Variants in MACROD2 observed in about 807,000 individuals in gnomAD.
The protein encoded by MACROD2 is mono-ADP ribosylhydrolase 2, also known as ADP-ribose glycohydrolase MACROD2.
In MACROD2, 36 loss-of-function variants were observed where a neutral mutation model predicts 70.4. The observed-to-expected ratio is 0.51, with a 90% CI of 0.39 to 0.68. The LOEUF (loss-of-function observed/expected upper bound fraction) is 0.68, where lower values mean the gene tolerates loss of function less well. MACROD2 is among the 30% of genes least tolerant of loss of function. MACROD2 has a pLI of 0.00. For missense variants in MACROD2, 496 were observed against 538.4 expected, an observed-to-expected ratio of 0.92 and a Z score of 0.78; for synonymous variants, 172 against 178.8, an observed-to-expected ratio of 0.96 and a Z score of 0.30.
chr20:15,840,078 A>G lies in MACROD2; in HGVS notation c.646-22667A>G, dbSNP rs73248307. Among the ~76,000 whole-genome samples the G allele has an allele frequency of 7.3e-3, 1,114 of 152,286 alleles. 9 individuals carry two copies. Among genetic ancestry groups the G allele is most frequent in the African/African-American group, 0.024 (995 of 41,576 alleles). ...CCTATGATTATTTTATCATTCTTCTATATTCACTCCTAAAATTTTCTGTGG... is the reference window on the plus strand; with the variant it reads ...CCTATGATTATTTTATCATTCTTCTGTATTCACTCCTAAAATTTTCTGTGG... On this transcript the variant is annotated intron_variant, in intron 8 of 17. Coordinates refer to ENST00000684519, the MANE Select transcript of MACROD2 (RefSeq NM_001351661.2).
In MACROD2 at chr20:13,999,896, C is replaced by G. The variant is rs141216063; in HGVS notation, c.47-2392C>G. Among the ~76,000 whole-genome samples, 614 of 152,254 alleles carry G rather than the reference C, an allele frequency of 4.0e-3. 1 individual carries two copies. Among genetic ancestry groups the G allele is most frequent in the East Asian group, 0.01 (52 of 5,182 alleles). ...GTATTTCCCTTAGTGCACCTGTAGTCCCAGCTACTCAGGAGGCTGAGGCAG... is the reference window on the plus strand; with the variant it reads ...GTATTTCCCTTAGTGCACCTGTAGTGCCAGCTACTCAGGAGGCTGAGGCAG... On this transcript the variant is annotated intron_variant, in intron 1 of 17. Transcript: ENST00000684519.
rs148843962 is a variant in MACROD2, at chr20:14,090,092, G to A, written c.271+4364G>A. On this transcript the variant is annotated intron_variant, in intron 3 of 17. Coordinates refer to ENST00000684519, the MANE Select transcript of MACROD2 (RefSeq NM_001351661.2). ...CCATGTTTACCCAATGTCAAAAACC[G>A]AAAATTGATATTGTTACATTACTGT... Among the ~76,000 whole-genome samples, 432 of 152,166 alleles carry A rather than the reference G, an allele frequency of 2.8e-3. 8 individuals carry two copies. Among genetic ancestry groups the A allele is most frequent in the Admixed American group, 0.025 (375 of 15,294 alleles).
chr20:15,072,870 G>A (rs1172705976), intron 5 of MACROD2, among the ~76,000 whole-genome samples: 2 of 152,158 alleles, frequency 1.3e-5, no homozygotes, highest in Non-Finnish European at 2.9e-5. Flanking sequence ...GATCCCCAAA[G>A]CAGTGGTGTT....
intron 5 of MACROD2, among the ~76,000 whole-genome samples, chr20:15,114,363 A>G (rs896396444): frequency 2.6e-5 from 4 of 152,196 alleles, no homozygotes; most frequent in Non-Finnish European, 5.9e-5. Flanking sequence ...ATAAGACTTC[A>G]TCTTAGCCAG....
intron 3 of MACROD2, among the ~76,000 whole-genome samples, chr20:14,192,845 G>A (rs1348418208): frequency 6.6e-6 from 1 of 152,146 alleles, no homozygotes; most frequent in Non-Finnish European, 1.5e-5. Context: ...TTTTGCTTCT[G>A]CAAGTGGCAG....
At chr20:15,582,880 G>A (rs141847537) in intron 8 of MACROD2, among the ~76,000 whole-genome samples, 4 of 152,284 alleles carry the variant, frequency 2.6e-5, no homozygotes, top group Admixed American at 2.6e-4. Context: ...AGTTCTGTCG[G>A]GGTTGAGAGA....
At chr20:14,038,188 G>GGAGGCTGAGGCA (rs2053343581) in intron 2 of MACROD2, among the ~76,000 whole-genome samples, 1 of 152,020 alleles carries the variant, frequency 6.6e-6, no homozygotes, top group African/African-American at 2.4e-5. Flanking sequence ...CAGCTACTCA[G>GGAGGCTGAGGCA]GAGGCTGAGG....
At chr20:15,228,491 T>C (rs924028172) in intron 5 of MACROD2, among the ~76,000 whole-genome samples, 7 of 144,130 alleles carry the variant, frequency 4.9e-5, no homozygotes, top group Non-Finnish European at 1.1e-4. Context: ...TTCTTTCTTT[T>C]TTTTTTTTTT....
In MACROD2 at chr20:15,888,986, G is replaced by A. The variant is rs754912929; in HGVS notation, c.775+3175G>A. The stretch of plus-strand genomic sequence containing the variant: ...TCTCATTCAAATAGAAAAGCTGGAG[G>A]GATTTTTACAAATGCAACCGACACT... On this transcript the variant is annotated intron_variant, in intron 10 of 17. Transcript: ENST00000684519. 5.1e-4 allele frequency among the ~76,000 whole-genome samples: 77 copies of A among 152,222 alleles called. No individual in the cohort carries two copies. The Middle Eastern group carries it at 0.014, about 27-fold the overall frequency.
At chr20:14,987,821 A>G (rs973370449) in intron 5 of MACROD2, among the ~76,000 whole-genome samples, 1 of 152,096 alleles carries the variant, frequency 6.6e-6, no homozygotes, top group Non-Finnish European at 1.5e-5. Flanking sequence ...CGCTTTCATT[A>G]AGATTCATTC....
At chr20:14,138,324 A>C (rs1222043695) in intron 3 of MACROD2, among the ~76,000 whole-genome samples, 1 of 152,208 alleles carries the variant, frequency 6.6e-6, no homozygotes, top group East Asian at 1.9e-4. Context: ...TTATTGCAGC[A>C]TTATTAACAA....
At chr20:14,517,661 A>G (rs1382971242) in intron 4 of MACROD2, among the ~76,000 whole-genome samples, 2 of 152,196 alleles carry the variant, frequency 1.3e-5, no homozygotes, top group Non-Finnish European at 1.5e-5. Flanking sequence ...TGTTCTGCAC[A>G]TGTATCCCAG....
At chr20:14,497,647 C>T (rs2084869149) in intron 4 of MACROD2, among the ~76,000 whole-genome samples, 1 of 151,704 alleles carries the variant, frequency 6.6e-6, no homozygotes, top group African/African-American at 2.4e-5. Flanking sequence ...TCTGTCAAAG[C>T]ACTTGAGGGA....
chr20:15,585,476 G>A (rs1381753796), intron 8 of MACROD2, among the ~76,000 whole-genome samples: 25 of 152,118 alleles, frequency 1.6e-4, no homozygotes, highest in Admixed American at 1.6e-3. Context: ...GATTAGAGGC[G>A]TGAGCCACCA....
At chr20:15,441,676 G>A (rs1378302420) in intron 7 of MACROD2, among the ~76,000 whole-genome samples, 1 of 152,104 alleles carries the variant, frequency 6.6e-6, no homozygotes, top group Non-Finnish European at 1.5e-5. Flanking sequence ...GATCACAACT[G>A]TCTGACTGTT....
At chr20:15,372,952 T>A (rs2045513100) in intron 6 of MACROD2, among the ~76,000 whole-genome samples, 1 of 152,098 alleles carries the variant, frequency 6.6e-6, no homozygotes, top group Non-Finnish European at 1.5e-5. Flanking sequence ...CTTGGGAGGT[T>A]GGGGCAGAAG....
chr20:14,800,484 T>A (rs945556589), intron 5 of MACROD2, among the ~76,000 whole-genome samples: 6 of 152,106 alleles, frequency 3.9e-5, no homozygotes, highest in South Asian at 2.1e-4. Context: ...CTGTCATTTT[T>A]AAAAATACAT....
chr20:15,811,730 CAG>C (rs768708425), intron 8 of MACROD2, among the ~76,000 whole-genome samples: 13 of 151,848 alleles, frequency 8.6e-5, no homozygotes, highest in Non-Finnish European at 1.9e-4. Flanking sequence ...AGTGTAAAGG[CAG>C]AGAGAATTCA....
chr20:14,298,205 C>T (rs2082442939), intron 3 of MACROD2, among the ~76,000 whole-genome samples: 2 of 151,940 alleles, frequency 1.3e-5, no homozygotes, highest in Non-Finnish European at 2.9e-5. Context: ...TGTTTTCACA[C>T]CTGCTAATAC....
Sources: gnomAD v4.1 joint callset for allele counts (sites outside exome capture counted in the v4.1 genomes callset) on GRCh38, gnomAD v4.1.1 for gene constraint, MANE v1.5 for transcripts, NCBI Gene and HGNC (gene_info 2026-07-23, HGNC 2026-07-21) for gene names.